Variants in UBE2E2 observed in about 807,000 individuals in gnomAD.
UBE2E2 encodes the protein ubiquitin-conjugating enzyme E2 E2.
A neutral mutation model predicts 24.7 loss-of-function variants in UBE2E2; 6 were observed. The observed-to-expected ratio is 0.24, with a 90% CI of 0.13 to 0.48. The LOEUF (loss-of-function observed/expected upper bound fraction) is 0.48. Among genes scored for constraint, UBE2E2 ranks in the 20% least tolerant of loss-of-function variants. The pLI is 0.99. For missense variants in UBE2E2, 169 were observed against 245.0 expected (o/e 0.69, Z 2.07); for synonymous variants, 104 against 83.6 (o/e 1.24, Z -1.33).
rs113451060 is a variant in UBE2E2, at chr3:23,546,069, G to A, written c.508+13368G>A. Among the ~76,000 whole-genome samples the A allele has an allele frequency of 5.3e-3, 814 of 152,266 alleles. 10 individuals carry two copies. The highest frequency in any genetic ancestry group is 0.019 in the African/African-American group (769 of 41,560). On this transcript the variant is annotated intron_variant, in intron 5 of 5. Coordinates refer to ENST00000396703, the MANE Select transcript of UBE2E2 (RefSeq NM_152653.4). ...ATTGGGTAAAGTGTGCACTACTCAC[G>A]TGTAGGTATACTAAAATCTCAGACT...
At chr3:23,366,185 A>T (rs1039145912) in intron 3 of UBE2E2, among the ~76,000 whole-genome samples, 10 of 152,228 alleles carry the variant, frequency 6.6e-5, no homozygotes, top group African/African-American at 2.2e-4. Context: ...GAGGTTGTGG[A>T]GAAAAGGGAA....
intron 3 of UBE2E2, among the ~76,000 whole-genome samples, chr3:23,433,560 T>G (rs762471790): frequency 6.6e-6 from 1 of 152,060 alleles, no homozygotes; most frequent in East Asian, 1.9e-4. Flanking sequence ...TATGATCTGA[T>G]GATATCTTAT....
At chr3:23,453,851 T>C (rs1416442673) in intron 3 of UBE2E2, among the ~76,000 whole-genome samples, 1 of 152,208 alleles carries the variant, frequency 6.6e-6, no homozygotes, top group Non-Finnish European at 1.5e-5. Context: ...ACAAATATCT[T>C]GATAGGGGAA....
chr3:23,459,854 A>T (rs1372830497), intron 3 of UBE2E2, among the ~76,000 whole-genome samples: 2 of 152,234 alleles, frequency 1.3e-5, no homozygotes. Flanking sequence ...TGTGTAATGA[A>T]TTTAAATATT....
chr3:23,490,107 C>A (rs1215219790), intron 3 of UBE2E2, among the ~76,000 whole-genome samples: 1 of 152,110 alleles, frequency 6.6e-6, no homozygotes, highest in Non-Finnish European at 1.5e-5. Flanking sequence ...TGATTTTATG[C>A]CTAATTGTCC....
rs377229063 is a variant in UBE2E2, at chr3:23,275,769, A to G, written c.227+58457A>G. 2.5e-3 allele frequency among the ~76,000 whole-genome samples: 375 copies of G among 152,272 alleles called. 3 individuals are homozygous for G. The highest frequency in any genetic ancestry group is 8.5e-3 in the African/African-American group (355 of 41,548). On this transcript the variant is annotated intron_variant, in intron 3 of 5. Transcript: ENST00000396703. ...GGTGGCTTGGGAGGAGAAGGAAAGAATGATTAGAAACTTAGAAGTCAGAGA... is the reference window on the plus strand; with the variant it reads ...GGTGGCTTGGGAGGAGAAGGAAAGAGTGATTAGAAACTTAGAAGTCAGAGA...
chr3:23,225,022 T>G (rs1399569944), intron 3 of UBE2E2, among the ~76,000 whole-genome samples: 3 of 151,258 alleles, frequency 2.0e-5, no homozygotes, highest in Non-Finnish European at 4.4e-5. Flanking sequence ...GTTGTGGTAT[T>G]GATTTGCATT....
At chr3:23,549,315 G>C (rs1343632576) in intron 5 of UBE2E2, among the ~76,000 whole-genome samples, 1 of 152,170 alleles carries the variant, frequency 6.6e-6, no homozygotes, top group African/African-American at 2.4e-5. Context: ...ATTTATGCCT[G>C]ATTTCTCTAA....
At chr3:23,270,713 A>G (rs1164565307) in intron 3 of UBE2E2, among the ~76,000 whole-genome samples, 1 of 152,196 alleles carries the variant, frequency 6.6e-6, no homozygotes, top group Non-Finnish European at 1.5e-5. Flanking sequence ...CTGGCATCTG[A>G]TATTTCTAGC....
rs9310718 is a variant in UBE2E2 at position 23,517,773 on chromosome 3, G to A, written c.361-14781G>A. Among the ~76,000 whole-genome samples the A allele has an allele frequency of 8.2e-3, 1,254 of 152,144 alleles. 13 individuals are homozygous for A. The highest frequency in any genetic ancestry group is 0.028 in the African/African-American group (1,163 of 41,478). ...CTATTTATTTAAAAAGCCACATGTGGTGCAGTTGTTTGCTTCTAAAAGGTG... is the reference window on the plus strand; with the variant it reads ...CTATTTATTTAAAAAGCCACATGTGATGCAGTTGTTTGCTTCTAAAAGGTG... On this transcript the variant is annotated intron_variant, in intron 4 of 5. Transcript: ENST00000396703.
intron 3 of UBE2E2, among the ~76,000 whole-genome samples, chr3:23,294,553 CTTT>C (rs1441642177): frequency 6.7e-6 from 1 of 148,270 alleles, no homozygotes; most frequent in Non-Finnish European, 1.5e-5. Context: ...TTATTTGTAT[CTTT>C]TTATTTTTAT....
chr3:23,240,002 C>T (rs1370200448), intron 3 of UBE2E2, among the ~76,000 whole-genome samples: 1 of 152,108 alleles, frequency 6.6e-6, no homozygotes, highest in East Asian at 1.9e-4. Flanking sequence ...CCACATGATG[C>T]CAGCCTTGTC....
chr3:23,466,609 C>A (rs1698924623), intron 3 of UBE2E2, among the ~76,000 whole-genome samples: 1 of 151,848 alleles, frequency 6.6e-6, no homozygotes, highest in Non-Finnish European at 1.5e-5. Context: ...ACTCTATCGC[C>A]CAGGCTGGAG....
chr3:23,296,643 C>A (rs1403685997), intron 3 of UBE2E2, among the ~76,000 whole-genome samples: 4 of 152,112 alleles, frequency 2.6e-5, no homozygotes, highest in Admixed American at 6.6e-5. Context: ...TGAACTCATC[C>A]TTTTTTATGG....
intron 3 of UBE2E2, among the ~76,000 whole-genome samples, chr3:23,263,767 A>G (rs1045300432): frequency 6.6e-6 from 1 of 152,194 alleles, no homozygotes; most frequent in African/African-American, 2.4e-5. Context: ...TCCTGACTTC[A>G]TACTATTTTT....
chr3:23,266,684 C>A (rs112491734), intron 3 of UBE2E2, among the ~76,000 whole-genome samples: 28 of 152,250 alleles, frequency 1.8e-4, no homozygotes, highest in Admixed American at 4.6e-4. Flanking sequence ...GAATTGAACT[C>A]AGCTCCACAC....
chr3:23,378,566 A>G (rs932012356), intron 3 of UBE2E2, among the ~76,000 whole-genome samples: 4 of 152,234 alleles, frequency 2.6e-5, no homozygotes, highest in Admixed American at 1.3e-4. Flanking sequence ...ACATGTACCT[A>G]TATGTAAAAT....
chr3:23,295,631 G>A (rs1698888351), intron 3 of UBE2E2, among the ~76,000 whole-genome samples: 2 of 152,124 alleles, frequency 1.3e-5, no homozygotes, highest in Non-Finnish European at 2.9e-5. Flanking sequence ...GAATATCGGT[G>A]GCTAGTGGAA....
intron 3 of UBE2E2, among the ~76,000 whole-genome samples, chr3:23,351,003 A>T (rs546557717): frequency 9.3e-4 from 141 of 152,346 alleles, no homozygotes; most frequent in African/African-American, 3.1e-3. Context: ...CGGGTTACCC[A>T]CAAAGGGAAG....
Sources: allele counts gnomAD v4.1 joint callset (sites outside exome capture counted in the v4.1 genomes callset), GRCh38; gene constraint gnomAD v4.1.1; transcripts MANE v1.5; gene names NCBI Gene and HGNC (gene_info 2026-07-23, HGNC 2026-07-21).